ADGRL3: variants seen among roughly 807,000 people sequenced by gnomAD.
ADGRL3 encodes the protein adhesion G protein-coupled receptor L3.
In ADGRL3, 62 loss-of-function variants were observed where a neutral mutation model predicts 153.5. That is an observed-to-expected ratio of 0.40 (90% confidence interval 0.33 to 0.50). The LOEUF (loss-of-function observed/expected upper bound fraction) is 0.50, where lower values mean the gene tolerates loss of function less well. Among genes scored for constraint, ADGRL3 ranks in the 20% least tolerant of loss-of-function variants. The pLI, the probability that ADGRL3 is intolerant of heterozygous loss-of-function variation, is 0.47. For missense variants in ADGRL3, 1,641 were observed against 1,859.4 expected, an observed-to-expected ratio of 0.88 and a Z score of 2.16; for synonymous variants, 710 against 672.5, an observed-to-expected ratio of 1.06 and a Z score of -0.86.
At chr4:62,001,380 A>C (rs1031947008) in intron 21 of ADGRL3, among the ~76,000 whole-genome samples, 2 of 152,162 alleles carry the variant, frequency 1.3e-5, no homozygotes, top group South Asian at 4.1e-4. Context: ...GGGGTAGCTC[A>C]GTGAATTGAG....
At chr4:61,676,715 A>C (rs377375718) in intron 5 of ADGRL3, 111 bp from the exon 6 acceptor site, 1 of 783,876 alleles carries the variant, frequency 1.3e-6, no homozygotes, top group Non-Finnish European at 2.2e-6. Context: ...AAATTAAGCA[A>C]AACCTTATTC....
At chr4:61,947,964 C>T in intron 16 of ADGRL3, 136 bp from the exon 17 acceptor site, 1 of 655,942 alleles carries the variant, frequency 1.5e-6, no homozygotes, top group Non-Finnish European at 2.6e-6. Context: ...TTGAGGCCCA[C>T]TTATGAAACC....
At chr4:61,408,069 C>G (rs905359843) in intron 2 of ADGRL3, among the ~76,000 whole-genome samples, 1 of 151,544 alleles carries the variant, frequency 6.6e-6, no homozygotes, top group Non-Finnish European at 1.5e-5. Context: ...TGGAGCCACG[C>G]GAGGGAAGAG....
At chr4:61,688,073 G>T (rs2095477684) in intron 6 of ADGRL3, among the ~76,000 whole-genome samples, 1 of 151,798 alleles carries the variant, frequency 6.6e-6, no homozygotes, top group Non-Finnish European at 1.5e-5. Context: ...TCAAAGACTG[G>T]GAAAGGAACT....
intron 2 of ADGRL3, among the ~76,000 whole-genome samples, chr4:61,483,457 G>A (rs1045435392): frequency 6.6e-6 from 1 of 152,206 alleles, no homozygotes; most frequent in South Asian, 2.1e-4. Context: ...AAAATTAAAG[G>A]CCTGGCGCAG....
intron 8 of ADGRL3, among the ~76,000 whole-genome samples, chr4:61,800,171 C>A (rs1379226565): frequency 1.3e-5 from 2 of 151,948 alleles, no homozygotes; most frequent in African/African-American, 4.8e-5. Context: ...ACCTTCTTAA[C>A]CATCTGTAAC....
intron 5 of ADGRL3, among the ~76,000 whole-genome samples, chr4:61,653,681 T>G (rs1296221032): frequency 2.6e-5 from 4 of 152,232 alleles, no homozygotes; most frequent in Non-Finnish European, 4.4e-5. Context: ...CTACCAGATT[T>G]ATTTGATTAA....
chr4:61,448,767 AGAGGGAAG>A (rs55669227), intron 2 of ADGRL3, among the ~76,000 whole-genome samples: 85,431 of 125,954 alleles, frequency 0.68, 30,884 homozygotes, highest in East Asian at 0.93. Context: ...AGGAAGGAAG[AGAGGGAAG>A]GAGGGAAGGA....
At chr4:61,792,207 TGCTTGGTTGCTTAGAAATTTC>T (rs774684986) in intron 8 of ADGRL3, among the ~76,000 whole-genome samples, 81 of 133,510 alleles carry the variant, frequency 6.1e-4, no homozygotes, top group Non-Finnish European at 1.1e-3. Context: ...ACCTCTTTAA[TGCTTGGTTGCTTAGAAATTTC>T]TTCTTCCAGG....
intron 8 of ADGRL3, among the ~76,000 whole-genome samples, chr4:61,756,404 G>A (rs929496152): frequency 2.4e-4 from 36 of 152,206 alleles, no homozygotes; most frequent in African/African-American, 5.8e-4. Context: ...GTTCACTCAC[G>A]ATTTGGCTCT....
At chr4:61,952,682 C>T (rs2098951777) in intron 17 of ADGRL3, among the ~76,000 whole-genome samples, 1 of 152,008 alleles carries the variant, frequency 6.6e-6, no homozygotes, top group East Asian at 1.9e-4. Context: ...CAAATTGATC[C>T]ATCTTAGCAA....
intron 9 of ADGRL3, among the ~76,000 whole-genome samples, chr4:61,830,154 A>C (rs2097853020): frequency 6.6e-6 from 1 of 151,978 alleles, no homozygotes; most frequent in African/African-American, 2.4e-5. Context: ...CTACAAGCAC[A>C]TGTGCCATCA....
At chr4:61,919,039 TG>T (rs778743664) in intron 13 of ADGRL3, among the ~76,000 whole-genome samples, 9 of 152,210 alleles carry the variant, frequency 5.9e-5, no homozygotes, top group Non-Finnish European at 1.2e-4. Flanking sequence ...AAGAGCTCTG[TG>T]GTGCATGTCA....
At chr4:61,312,085 A>C (rs1393334804) in intron 1 of ADGRL3, among the ~76,000 whole-genome samples, 2 of 152,200 alleles carry the variant, frequency 1.3e-5, no homozygotes, top group African/African-American at 4.8e-5. Flanking sequence ...AAATAAATGG[A>C]ACAAAATAGA....
intron 1 of ADGRL3, among the ~76,000 whole-genome samples, chr4:61,209,598 A>G (rs1302282755): frequency 6.6e-6 from 1 of 152,006 alleles, no homozygotes; most frequent in African/African-American, 2.4e-5. Context: ...TATCTTTACT[A>G]TGTTCTTTCC....
In ADGRL3 at chr4:61,432,612, TTCTTTCTTTCTTTCTTTCTTTC is replaced by T. The variant is rs2097375137; in HGVS notation, c.-174+49425_-174+49446del. Among the ~76,000 whole-genome samples the T allele has an allele frequency of 9.4e-5, 7 of 74,654 alleles. 3 individuals carry two copies. Among genetic ancestry groups the T allele is most frequent in the African/African-American group, 3.6e-4 (7 of 19,628 alleles). 49.0% of individuals were successfully genotyped at this position (74,654 alleles called of 152,430 possible). ...TTTCTTTCTTTCTTTCTTTCTTTCT[TTCTTTCTTTCTTTCTTTCTTTC>T]TTTCTTTCTTTCTTTCTTTCTTTTT... On this transcript the variant is annotated intron_variant, in intron 2 of 26. Coordinates refer to ENST00000683033, the MANE Select transcript of ADGRL3 (RefSeq NM_001387552.1).
At chr4:61,724,790 G>A (rs939061503) in intron 6 of ADGRL3, among the ~76,000 whole-genome samples, 1 of 151,998 alleles carries the variant, frequency 6.6e-6, no homozygotes, top group Admixed American at 6.6e-5. Context: ...TCTATTTACT[G>A]AAGTGCTTCT....
At chr4:61,280,023 G>A (rs2093652355) in intron 1 of ADGRL3, among the ~76,000 whole-genome samples, 1 of 151,876 alleles carries the variant, frequency 6.6e-6, no homozygotes, top group Admixed American at 6.6e-5. Context: ...CCCAGAAAAG[G>A]TTGACACTAA....
At chr4:61,644,182 T>C (rs1490404336) in intron 5 of ADGRL3, among the ~76,000 whole-genome samples, 1 of 145,486 alleles carries the variant, frequency 6.9e-6, no homozygotes, top group Non-Finnish European at 1.5e-5. Flanking sequence ...TTCTCTCTTT[T>C]TTTCTTTATT....
Sources: gnomAD v4.1 joint callset for allele counts (sites outside exome capture counted in the v4.1 genomes callset) on GRCh38, gnomAD v4.1.1 for gene constraint, MANE v1.5 for transcripts, NCBI Gene and HGNC (gene_info 2026-07-23, HGNC 2026-07-21) for gene names.